The following RBFOX1 variants were observed in gnomAD, a reference collection of about 807,000 sequenced individuals.
RBFOX1 encodes RNA binding protein fox-1 homolog 1.
Under a neutral mutation model 57.7 loss-of-function variants are expected in RBFOX1, and 8 were observed. The observed-to-expected ratio is 0.14, with a 90% CI of 0.08 to 0.25. RBFOX1 has a LOEUF of 0.25. Ranked by LOEUF, RBFOX1 falls within the 10% of genes least tolerant of loss-of-function variation. The probability of loss-of-function intolerance (pLI) is 1.00; values close to 1 mark genes in which losing one functional copy is unlikely to be tolerated. For missense variants in RBFOX1, 611 were observed against 548.5 expected, an observed-to-expected ratio of 1.11 and a Z score of -1.14; for synonymous variants, 326 against 222.4, an observed-to-expected ratio of 1.47 and a Z score of -4.15.
chr16:5,615,835 T>A (rs553377815), intron 3 of RBFOX1, among the ~76,000 whole-genome samples: 2 of 152,336 alleles, frequency 1.3e-5, no homozygotes, highest in East Asian at 3.9e-4. Flanking sequence ...AATGGGGTCT[T>A]CAATGCTTTT....
At chr16:6,945,482 G>C (rs572041651) in intron 3 of RBFOX1, among the ~76,000 whole-genome samples, 60 of 144,904 alleles carry the variant, frequency 4.1e-4, no homozygotes, top group African/African-American at 1.4e-3. Flanking sequence ...TTTTTTTTTT[G>C]TAAAATGGGA....
At chr16:5,917,937 T>C (rs761045165) in intron 4 of RBFOX1, among the ~76,000 whole-genome samples, 53 of 151,996 alleles carry the variant, frequency 3.5e-4, no homozygotes, top group Non-Finnish European at 7.5e-4. Context: ...TATGATCCTC[T>C]CTCTCCCACA....
intron 3 of RBFOX1, among the ~76,000 whole-genome samples, chr16:5,728,415 G>T (rs1168987713): frequency 6.6e-6 from 1 of 152,196 alleles, no homozygotes; most frequent in African/African-American, 2.4e-5. Flanking sequence ...GGAAGCATTT[G>T]CATATTTGAA....
At chr16:7,294,281 C>G (rs967832854) in intron 4 of RBFOX1, among the ~76,000 whole-genome samples, 1 of 152,144 alleles carries the variant, frequency 6.6e-6, no homozygotes, top group Admixed American at 6.5e-5. Flanking sequence ...TGGAAACAGA[C>G]TCCCACCCTC....
At chr16:7,392,992 G>A (rs1292577287) in intron 4 of RBFOX1, among the ~76,000 whole-genome samples, 1 of 152,090 alleles carries the variant, frequency 6.6e-6, no homozygotes, top group African/African-American at 2.4e-5. Flanking sequence ...TCCTGCTTCA[G>A]CCTCCCGTAT....
At chr16:7,056,120 T>C (rs1473653687) in intron 4 of RBFOX1, among the ~76,000 whole-genome samples, 1 of 152,170 alleles carries the variant, frequency 6.6e-6, no homozygotes, top group Non-Finnish European at 1.5e-5. Context: ...GCATGGGGCA[T>C]CGTGCATTAG....
At chr16:7,571,955 C>T (rs2092819584) in intron 5 of RBFOX1, among the ~76,000 whole-genome samples, 1 of 152,136 alleles carries the variant, frequency 6.6e-6, no homozygotes, top group Admixed American at 6.5e-5. Flanking sequence ...ATGATGAAAC[C>T]CTGTCTCTAT....
At chr16:7,561,622 T>A (rs1041673760) in intron 5 of RBFOX1, among the ~76,000 whole-genome samples, 1 of 152,196 alleles carries the variant, frequency 6.6e-6, no homozygotes, top group Non-Finnish European at 1.5e-5. Context: ...TCTCAGCATA[T>A]CCTGGAAAAA....
chr16:5,509,850 G>A (rs938999552), intron 2 of RBFOX1, among the ~76,000 whole-genome samples: 1 of 152,182 alleles, frequency 6.6e-6, no homozygotes, highest in African/African-American at 2.4e-5. Context: ...AGGGAGTGCG[G>A]GGTGTCCCAG....
At chr16:7,447,668 C>G (rs576134301) in intron 4 of RBFOX1, among the ~76,000 whole-genome samples, 17 of 152,316 alleles carry the variant, frequency 1.1e-4, no homozygotes, top group African/African-American at 3.1e-4. Context: ...TTCAGCTCTT[C>G]CTGTCTATGA....
chr16:7,323,496 C>G (rs974943491), intron 4 of RBFOX1, among the ~76,000 whole-genome samples: 6 of 151,892 alleles, frequency 4.0e-5, no homozygotes, highest in African/African-American at 1.5e-4. Flanking sequence ...ATATCGCATT[C>G]AAAAAAAAGA....
At chr16:7,230,760 C>A (rs2093451760) in intron 4 of RBFOX1, among the ~76,000 whole-genome samples, 1 of 152,202 alleles carries the variant, frequency 6.6e-6, no homozygotes, top group African/African-American at 2.4e-5. Context: ...TGAATTTACA[C>A]AACTGAATTT....
At chr16:5,416,896 G>C (rs191073740) in intron 1 of RBFOX1, among the ~76,000 whole-genome samples, 70 of 152,228 alleles carry the variant, frequency 4.6e-4, no homozygotes, top group Non-Finnish European at 6.5e-4. Flanking sequence ...CTGCCTATCT[G>C]ATAGACTATC....
chr16:5,812,056 C>T (rs1392951130), intron 3 of RBFOX1, among the ~76,000 whole-genome samples: 1 of 152,292 alleles, frequency 6.6e-6, no homozygotes, highest in South Asian at 2.1e-4. Context: ...GTCTTTTGCA[C>T]CTGGCTCCTT....
chr16:7,132,125 C>T (rs1600481701), intron 4 of RBFOX1, among the ~76,000 whole-genome samples: 1 of 151,430 alleles, frequency 6.6e-6, no homozygotes, highest in African/African-American at 2.4e-5. Flanking sequence ...GAATTACAGG[C>T]ACCTTCCACC....
intron 4 of RBFOX1, among the ~76,000 whole-genome samples, chr16:7,060,513 A>G (rs6500908): frequency 0.69 from 105,515 of 152,112 alleles, 37,679 homozygotes; most frequent in East Asian, 0.91. Context: ...TTCCAGTTAA[A>G]TACCTTCTGC....
chr16:5,721,400 T>C (rs4548868), intron 3 of RBFOX1, among the ~76,000 whole-genome samples: 83,098 of 152,036 alleles, frequency 0.55, 26,397 homozygotes, highest in Non-Finnish European at 0.73. Flanking sequence ...TTCAAGATCT[T>C]GTTGTCTGCA....
intron 1 of RBFOX1, among the ~76,000 whole-genome samples, chr16:5,304,823 A>C (rs935495638): frequency 9.0e-6 from 1 of 111,004 alleles, no homozygotes; most frequent in Non-Finnish European, 2.1e-5. Context: ...GAAGTTAGCC[A>C]TATAAAGTGA....
chr16:5,778,457 TCAAA>T (rs1293203986), intron 3 of RBFOX1, among the ~76,000 whole-genome samples: 1 of 152,168 alleles, frequency 6.6e-6, no homozygotes, highest in African/African-American at 2.4e-5. Flanking sequence ...ATGAAATTAT[TCAAA>T]CAAAGCAGTC....
Sources: gnomAD v4.1 joint callset for allele counts (sites outside exome capture counted in the v4.1 genomes callset) on GRCh38, gnomAD v4.1.1 for gene constraint, MANE v1.5 for transcripts, NCBI Gene and HGNC (gene_info 2026-07-23, HGNC 2026-07-21) for gene names.